The following GRK5 variants were observed in gnomAD, a reference collection of about 807,000 sequenced individuals.
The protein encoded by GRK5 is g protein-coupled receptor kinase GRK5.
GRK5 carries 40 observed loss-of-function variants against 78.4 expected under a neutral mutation model. That is an observed-to-expected ratio of 0.51 (90% CI 0.40 to 0.66). The LOEUF (loss-of-function observed/expected upper bound fraction) is 0.66. Among genes scored for constraint, GRK5 ranks in the 30% least tolerant of loss-of-function variants. The pLI is 0.00. For synonymous variants in GRK5, 289 were observed against 296.8 expected (o/e 0.97, Z 0.27); for missense variants, 598 against 759.9 (o/e 0.79, Z 2.50).
At chr10:119,444,512 G>A (rs992034487) in intron 12 of GRK5, among the ~76,000 whole-genome samples, 1 of 152,152 alleles carries the variant, frequency 6.6e-6, no homozygotes, top group African/African-American at 2.4e-5. Context: ...ACTTCCTGCT[G>A]CTGCCTGGCT....
intron 2 of GRK5, among the ~76,000 whole-genome samples, chr10:119,339,142 C>A (rs776964658): frequency 2.6e-5 from 4 of 152,196 alleles, no homozygotes; most frequent in Non-Finnish European, 4.4e-5. Context: ...GTTTGGCGAG[C>A]GGCCTCTGCC....
chr10:119,316,350 G>A (rs921292469), intron 1 of GRK5, among the ~76,000 whole-genome samples: 4 of 152,238 alleles, frequency 2.6e-5, no homozygotes. Context: ...GTAGTGAGCT[G>A]GGCTGAAGGG....
At chr10:119,322,488 G>A (rs1485373854) in intron 1 of GRK5, among the ~76,000 whole-genome samples, 1 of 152,218 alleles carries the variant, frequency 6.6e-6, no homozygotes, top group Non-Finnish European at 1.5e-5. Context: ...CCCTGCTAGC[G>A]ACACTGTGTC....
intron 3 of GRK5, 111 bp downstream of exon 3, chr10:119,381,038 C>A: frequency 1.5e-6 from 1 of 664,054 alleles, no homozygotes. Flanking sequence ...AATAAACTCA[C>A]TGCTTACAAA....
rs10712644 is a variant in GRK5, at chr10:119,292,849, G to GT, written c.53-33654dup. ...TCCATACATATTCAGTACAGATACA[G>GT]TTTTTTTTTTTTTCTGAATGTTTTC... On this transcript the variant is annotated intron_variant, in intron 1 of 15. Transcript: ENST00000392870. Among the ~76,000 whole-genome samples, 384 of 149,106 alleles carry GT rather than the reference G, an allele frequency of 2.6e-3. 2 individuals are homozygous for GT. The highest frequency in any genetic ancestry group is 0.013 in the South Asian group (63 of 4,712).
intron 1 of GRK5, among the ~76,000 whole-genome samples, chr10:119,278,504 C>G (rs1264688454): frequency 6.6e-6 from 1 of 152,114 alleles, no homozygotes; most frequent in East Asian, 1.9e-4. Flanking sequence ...GTGAAAGCTT[C>G]GATGCCTCAG....
In GRK5 at chr10:119,412,350, C is replaced by T. The variant is rs1293855518; in HGVS notation, c.340-10816C>T. On this transcript the variant is annotated intron_variant, in intron 4 of 15. Transcript: ENST00000392870. This position sits in a 1 kb window ranked among gnomAD's most constrained non-coding sequence, Gnocchi z 4.3. ...GTGCCCGGGCCGTGCAGTCCATCGC[C>T]TGGGCTGACCACGAGGACACCCCGG... Among the ~76,000 whole-genome samples the T allele has an allele frequency of 2.0e-5, 3 of 152,238 alleles. No individual in the cohort carries two copies. Among genetic ancestry groups the T allele is most frequent in the Non-Finnish European group, 4.4e-5 (3 of 68,044 alleles).
intron 3 of GRK5, among the ~76,000 whole-genome samples, chr10:119,394,234 G>A (rs1343601319): frequency 2.9e-5 from 4 of 137,246 alleles, no homozygotes; most frequent in Admixed American, 6.9e-5. Context: ...GGGTGTGGGT[G>A]TGTGGGTGTC....
intron 1 of GRK5, among the ~76,000 whole-genome samples, chr10:119,240,840 CCTAGCTTCCAAGTAGCTAGGAT>C (rs1382349240): frequency 3.9e-5 from 6 of 152,144 alleles, no homozygotes; most frequent in Non-Finnish European, 8.8e-5. Flanking sequence ...CCTCAGCCTC[CCTAGCTTCCAAGTAGCTAGGAT>C]TACAGGCTCA....
In GRK5 at chr10:119,436,125, T is replaced by C. The variant is rs565532395; in HGVS notation, c.739-526T>C. On this transcript the variant is annotated intron_variant, in intron 8 of 15. Transcript: ENST00000392870. ...TATGGGAGTACAATTCAAGATGAGATTTGGGTGGGGACACAGAGCCAAACC... is the reference window on the plus strand; with the variant it reads ...TATGGGAGTACAATTCAAGATGAGACTTGGGTGGGGACACAGAGCCAAACC... Among the ~76,000 whole-genome samples the C allele has an allele frequency of 3.3e-4, 50 of 152,240 alleles. 1 individual carries two copies. The South Asian group carries it at 0.01, about 32-fold the overall frequency.
At chr10:119,270,715 G>A (rs1358443248) in intron 1 of GRK5, among the ~76,000 whole-genome samples, 1 of 152,252 alleles carries the variant, frequency 6.6e-6, no homozygotes, top group Non-Finnish European at 1.5e-5. Context: ...TTAGCTGGGG[G>A]GCAGTCTCTA....
At chr10:119,325,087 T>C (rs1268198776) in intron 1 of GRK5, among the ~76,000 whole-genome samples, 1 of 152,168 alleles carries the variant, frequency 6.6e-6, no homozygotes, top group African/African-American at 2.4e-5. Context: ...AGGAGCAGAG[T>C]TCTGGTCCCA....
At chr10:119,360,292 A>C (rs1851339317) in intron 2 of GRK5, among the ~76,000 whole-genome samples, 1 of 152,148 alleles carries the variant, frequency 6.6e-6, no homozygotes, top group African/African-American at 2.4e-5. Flanking sequence ...GCTTGTGTCC[A>C]TTTCTTGGGT....
chr10:119,327,755 TAGG>T (rs1171640235), intron 2 of GRK5, among the ~76,000 whole-genome samples: 1 of 152,168 alleles, frequency 6.6e-6, no homozygotes, highest in Non-Finnish European at 1.5e-5. Context: ...TTATAGGTGA[TAGG>T]AGGCCATCTG....
At chr10:119,418,194 G>GA (rs201587860) in intron 4 of GRK5, among the ~76,000 whole-genome samples, 1 of 152,024 alleles carries the variant, frequency 6.6e-6, no homozygotes, top group African/African-American at 2.4e-5. Flanking sequence ...GAGAGAGGCA[G>GA]GGCAGGTTCT....
At chr10:119,286,329 A>G (rs1337226452) in intron 1 of GRK5, among the ~76,000 whole-genome samples, 1 of 152,268 alleles carries the variant, frequency 6.6e-6, no homozygotes, top group African/African-American at 2.4e-5. Context: ...CCTTTGAAGT[A>G]AAATCTTCAC....
intron 1 of GRK5, among the ~76,000 whole-genome samples, chr10:119,309,878 G>C (rs1367132667): frequency 6.6e-6 from 1 of 152,204 alleles, no homozygotes; most frequent in Non-Finnish European, 1.5e-5. Flanking sequence ...TCCCAGCTCA[G>C]CCTCTCAGCA....
At chr10:119,311,322 G>A (rs997819363) in intron 1 of GRK5, among the ~76,000 whole-genome samples, 6 of 152,154 alleles carry the variant, frequency 3.9e-5, no homozygotes, top group East Asian at 1.9e-4. Flanking sequence ...GCATTCCAAC[G>A]GGAGATGAGA....
At chr10:119,291,618 T>TTCCTCCTCTTCCTCCTTCTCTTCTTCC (rs1282755375) in intron 1 of GRK5, among the ~76,000 whole-genome samples, 1 of 87,832 alleles carries the variant, frequency 1.1e-5, no homozygotes. Context: ...CCTCCTCTTC[T>TTCCTCCTCTTCCTCCTTCTCTTCTTCC]TCCTCCTCTT....
Sources: allele counts gnomAD v4.1 joint callset (sites outside exome capture counted in the v4.1 genomes callset), GRCh38; gene constraint gnomAD v4.1.1; non-coding constraint Gnocchi (gnomAD v3.1); transcripts MANE v1.5; gene names NCBI Gene and HGNC (gene_info 2026-07-23, HGNC 2026-07-21).